Variants in SCN8A observed in about 807,000 individuals in gnomAD.
The protein encoded by SCN8A is sodium voltage-gated channel alpha subunit 8, also known as sodium channel protein type 8 subunit alpha.
A neutral mutation model predicts 184.1 loss-of-function variants in SCN8A; 30 were observed. That is an observed-to-expected ratio of 0.16 (90% CI 0.12 to 0.22). The LOEUF is 0.22. Ranked by LOEUF, SCN8A falls within the 10% of genes least tolerant of loss-of-function variation. The probability of loss-of-function intolerance (pLI) is 1.00; values close to 1 mark genes in which losing one functional copy is unlikely to be tolerated. For synonymous variants in SCN8A, 852 were observed against 907.0 expected (o/e 0.94, Z 1.09); for missense variants, 1,057 against 2,498.9 (o/e 0.42, Z 12.30).
intron 1 of SCN8A, among the ~76,000 whole-genome samples, chr12:51,638,108 T>C (rs1221954817): frequency 1.3e-5 from 2 of 152,212 alleles, no homozygotes; most frequent in Non-Finnish European, 2.9e-5. Context: ...CTAGATATTT[T>C]AAGCCCACTG....
chr12:51,799,683 C>G (rs1000387081), intron 26 of SCN8A, among the ~76,000 whole-genome samples: 8 of 152,326 alleles, frequency 5.3e-5, no homozygotes, highest in African/African-American at 1.7e-4. Context: ...AAACCCCACT[C>G]AAAACTGGCA....
chr12:51,712,843 C>T (rs1941902813), intron 11 of SCN8A: 2 of 1,310,578 alleles, frequency 1.5e-6, no homozygotes, highest in Admixed American at 3.4e-5. Context: ...ACCTCTGCTG[C>T]CACCACCTCC....
chr12:51,741,124 C>T (rs578192948), intron 12 of SCN8A, among the ~76,000 whole-genome samples: 17 of 152,296 alleles, frequency 1.1e-4, no homozygotes, highest in African/African-American at 4.1e-4. Context: ...ATTTGCTTTA[C>T]ATATTTGGGT....
rs113699466 is a variant in SCN8A, at chr12:51,607,089, G to T, written c.-55+15730G>T. Among the ~76,000 whole-genome samples the T allele has an allele frequency of 3.1e-3, 477 of 152,030 alleles. 1 individual carries two copies. Among genetic ancestry groups the T allele is most frequent in the African/African-American group, 0.011 (452 of 41,462 alleles). The stretch of plus-strand genomic sequence containing the variant: ...TTTTTGTATTTGCAGTAGAGATGGG[G>T]TTTCACCATGTTGGCCAGGCTGGTC... On this transcript the variant is annotated intron_variant, in intron 1 of 26. Transcript: ENST00000627620.
At chr12:51,627,111 G>A (rs1166093257) in intron 1 of SCN8A, among the ~76,000 whole-genome samples, 1 of 152,142 alleles carries the variant, frequency 6.6e-6, no homozygotes, top group Non-Finnish European at 1.5e-5. Context: ...ATATTAGCTT[G>A]TGAGGAGAGT....
chr12:51,596,031 C>T (rs11611245), intron 1 of SCN8A, among the ~76,000 whole-genome samples: 157 of 152,198 alleles, frequency 1.0e-3, no homozygotes, highest in Non-Finnish European at 2.0e-3. Flanking sequence ...TGCTTTGGCA[C>T]TCTCCAGCTG....
chr12:51,592,642 C>T (rs77203435), intron 1 of SCN8A, among the ~76,000 whole-genome samples: 2,929 of 151,942 alleles, frequency 0.019, 50 homozygotes, highest in Non-Finnish European at 0.029. Flanking sequence ...ATGGAGCAAG[C>T]TCTGCCACAC....
intron 21 of SCN8A, among the ~76,000 whole-genome samples, chr12:51,786,177 C>T (rs1938079752): frequency 6.6e-6 from 1 of 152,122 alleles, no homozygotes; most frequent in African/African-American, 2.4e-5. Context: ...AGGCAACTAG[C>T]AAGCTGAAAG....
At chr12:51,681,649 C>T (rs1416895178) in intron 2 of SCN8A, among the ~76,000 whole-genome samples, 1 of 152,144 alleles carries the variant, frequency 6.6e-6, no homozygotes, top group Non-Finnish European at 1.5e-5. Context: ...CATATCCCAC[C>T]AGAACCAGTA....
At chr12:51,798,426 T>C (rs916821380) in intron 26 of SCN8A, among the ~76,000 whole-genome samples, 2 of 152,324 alleles carry the variant, frequency 1.3e-5, no homozygotes, top group African/African-American at 2.4e-5. Flanking sequence ...CGCTGCCCTT[T>C]CCATGATGGA....
At chr12:51,617,293 C>T (rs367982827) in intron 1 of SCN8A, among the ~76,000 whole-genome samples, 28 of 151,986 alleles carry the variant, frequency 1.8e-4, no homozygotes, top group East Asian at 1.7e-3. Flanking sequence ...TTTTTTCCTT[C>T]GTTTCTAATT....
Position 51,706,723 on chromosome 12 carries a change from CTTCTT to C in SCN8A, c.1635+11_1635+15del, listed in dbSNP as rs1941792119. ...TTTTCCATCATGAATCAGGTAAACT[CTTCTT>C]TTTTCTATACCTTTTTCAAAAATGT... On this transcript the variant is annotated intron_variant, in intron 11 of 26. Transcript: ENST00000627620. The C allele has an allele frequency of 1.3e-6, 2 of 1,504,246 alleles. No individual in the cohort carries two copies. Among genetic ancestry groups the C allele is most frequent in the Non-Finnish European group, 1.8e-6 (2 of 1,131,152 alleles). The allele number at this position is 1,504,246 out of a possible 1,614,324, so 93.2% of individuals were successfully genotyped here.
intron 12 of SCN8A, among the ~76,000 whole-genome samples, chr12:51,739,438 G>T (rs1181162982): frequency 6.6e-6 from 1 of 152,040 alleles, no homozygotes; most frequent in Non-Finnish European, 1.5e-5. Flanking sequence ...ATAAGGAGGG[G>T]GTGCAGAAGG....
chr12:51,603,446 A>G (rs138381165), intron 1 of SCN8A, among the ~76,000 whole-genome samples: 1 of 152,304 alleles, frequency 6.6e-6, no homozygotes, highest in Non-Finnish European at 1.5e-5. Context: ...GTTGAAGAAC[A>G]TTTGGAATAT....
At position 51,806,254 on chromosome 12, in the gene SCN8A, A is replaced by G; in HGVS notation, c.4796-28A>G. ...AGAAAGGGTGTCTCCCATCTCAATA[A>G]CATAACTTCTTCTATTCCTCTTCTT... On this transcript the variant is annotated intron_variant, in intron 26 of 26. Transcript: ENST00000627620. This position sits in a 1 kb window ranked among gnomAD's most constrained non-coding sequence, Gnocchi z 8.7. 2 of 1,502,424 alleles carry G rather than the reference A, an allele frequency of 1.3e-6. No individual in the cohort carries two copies. Among genetic ancestry groups the G allele is most frequent in the Non-Finnish European group, 1.8e-6 (2 of 1,126,960 alleles). 93.1% of individuals were successfully genotyped at this position (1,502,424 alleles called of 1,614,324 possible).
chr12:51,652,627 C>T (rs1463094232), intron 1 of SCN8A, among the ~76,000 whole-genome samples: 1 of 152,154 alleles, frequency 6.6e-6, no homozygotes, highest in East Asian at 1.9e-4. Flanking sequence ...CTTGATCTCT[C>T]TTGTCTGTAG....
intron 1 of SCN8A, among the ~76,000 whole-genome samples, chr12:51,648,882 A>C (rs1940648512): frequency 6.6e-6 from 1 of 152,222 alleles, no homozygotes; most frequent in Admixed American, 6.5e-5. Context: ...CCAAAGTCTT[A>C]ACTCATTTCA....
intron 12 of SCN8A, among the ~76,000 whole-genome samples, chr12:51,736,975 A>G (rs922082330): frequency 6.6e-6 from 1 of 152,236 alleles, no homozygotes; most frequent in Non-Finnish European, 1.5e-5. Context: ...AACACCTTCA[A>G]TTGGTTTAAA....
At chr12:51,638,387 T>C (rs1300658793) in intron 1 of SCN8A, among the ~76,000 whole-genome samples, 1 of 152,222 alleles carries the variant, frequency 6.6e-6, no homozygotes, top group East Asian at 1.9e-4. Flanking sequence ...ACTGAACACC[T>C]TCTGGAAAAG....
Sources: gnomAD v4.1 joint callset for allele counts (sites outside exome capture counted in the v4.1 genomes callset) on GRCh38, gnomAD v4.1.1 for gene constraint, Gnocchi (gnomAD v3.1) non-coding constraint, MANE v1.5 for transcripts, NCBI Gene and HGNC (gene_info 2026-07-23, HGNC 2026-07-21) for gene names.